CCDC88A: variants seen among roughly 807,000 people sequenced by gnomAD.
CCDC88A encodes the protein coiled-coil and HOOK domain protein 88A, also known as girdin.
Under a neutral mutation model 234.3 loss-of-function variants are expected in CCDC88A, and 54 were observed. That is an observed-to-expected ratio of 0.23 (90% CI 0.19 to 0.29). The LOEUF (loss-of-function observed/expected upper bound fraction) is 0.29, where lower values mean the gene tolerates loss of function less well. Ranked by LOEUF, CCDC88A falls within the 10% of genes least tolerant of loss-of-function variation. The pLI, the probability that CCDC88A is intolerant of heterozygous loss-of-function variation, is 1.00. For missense variants in CCDC88A, 1,832 were observed against 2,123.4 expected, an observed-to-expected ratio of 0.86 and a Z score of 2.70; for synonymous variants, 753 against 737.8, an observed-to-expected ratio of 1.02 and a Z score of -0.33.
chr2:55,373,503 T>A (rs762345017), intron 4 of CCDC88A, among the ~76,000 whole-genome samples: 9 of 152,188 alleles, frequency 5.9e-5, no homozygotes, highest in Non-Finnish European at 1.0e-4. Flanking sequence ...GCTCCAAATT[T>A]TATATGCCAG....
At chr2:55,365,456 A>G (rs553556527) in intron 5 of CCDC88A, among the ~76,000 whole-genome samples, 9 of 152,192 alleles carry the variant, frequency 5.9e-5, no homozygotes, top group Non-Finnish European at 8.8e-5. Context: ...GGTAATGACT[A>G]TGACTCACCA....
At chr2:55,296,722 G>A in intron 29 of CCDC88A, 199 bp from the exon 30 acceptor site, 1 of 592,220 alleles carries the variant, frequency 1.7e-6, no homozygotes, top group Non-Finnish European at 2.9e-6. Context: ...TCCTTATTTT[G>A]TCAAACTGAC....
In CCDC88A at chr2:55,339,814, T is replaced by C. The variant is rs1224971026; in HGVS notation, c.1334-166A>G. 3 of 536,662 alleles carry C rather than the reference T, an allele frequency of 5.6e-6. No individual in the cohort carries two copies. The African/African-American group carries it at 6.0e-5, about 11-fold the overall frequency. The allele number at this position is 536,662 out of a possible 1,614,324, so 33.2% of individuals were successfully genotyped here. On this transcript the variant is annotated intron_variant, in intron 12 of 32. Coordinates refer to ENST00000436346, the MANE Select transcript of CCDC88A (RefSeq NM_001365480.1). ...AGATAAACAAGATAAAAGAAGTAAA[T>C]CTTTTTTTTCCTTTTCTTTTTTTCT...
Position 55,388,805 on chromosome 2 carries a change from CA to C in CCDC88A, c.245del (p.Leu82TrpfsTer2). The C allele has an allele frequency of 1.3e-6, 2 of 1,510,020 alleles. No homozygotes were observed. The highest frequency in any genetic ancestry group is 1.4e-5 in the African/African-American group (1 of 71,472). 93.5% of individuals were successfully genotyped at this position (1,510,020 alleles called of 1,614,324 possible). A position where few individuals can be genotyped will look rare whatever the true frequency, so the allele number is the denominator to read the frequency against. On this transcript the variant is annotated frameshift_variant, in exon 3 of 33. Transcript: ENST00000436346. LOFTEE classifies it high-confidence loss of function. Reference protein sequence around the residue: ...ASLRMHNLSILVRQIKFYYQE... With the variant: ...ASLRMHNLSIXVRQIKFYYQE... ...GGTAATAAAATTTTATCTGTCTCACCAAAATGGATAGATTGTGCATTCTAAG... is the reference window on the plus strand; with the variant it reads ...GGTAATAAAATTTTATCTGTCTCACCAAATGGATAGATTGTGCATTCTAAG...
chr2:55,295,573 A>C, intron 31 of CCDC88A, 24 bp downstream of exon 31: 1 of 1,614,088 alleles, frequency 6.2e-7, no homozygotes, highest in Non-Finnish European at 8.5e-7. Flanking sequence ...ATATGAGAGG[A>C]CCACTGGTGT....
intron 29 of CCDC88A, among the ~76,000 whole-genome samples, chr2:55,297,364 T>TTATATATA (rs1680268359): frequency 1.0e-4 from 10 of 100,354 alleles, no homozygotes; most frequent in African/African-American, 4.3e-4. Flanking sequence ...TAAATATATA[T>TTATATATA]AATATATATT....
chr2:55,306,509 G>C (rs539127325), intron 25 of CCDC88A, among the ~76,000 whole-genome samples: 1 of 152,094 alleles, frequency 6.6e-6, no homozygotes, highest in Non-Finnish European at 1.5e-5. Flanking sequence ...ATATAAGTGT[G>C]TATGACTTTT....
intron 5 of CCDC88A, among the ~76,000 whole-genome samples, chr2:55,370,693 C>G (rs1038485420): frequency 2.1e-5 from 3 of 140,176 alleles, no homozygotes; most frequent in African/African-American, 7.8e-5. Context: ...TATAATTAGT[C>G]TTTCTTTATT....
chr2:55,418,383 C>T (rs1035551844), intron 2 of CCDC88A: 3 of 164,646 alleles, frequency 1.8e-5, no homozygotes, highest in Admixed American at 1.8e-4. Context: ...TATTACTTAA[C>T]GAGTTTCAAA....
intron 5 of CCDC88A, among the ~76,000 whole-genome samples, chr2:55,366,280 C>T (rs1003446849): frequency 6.6e-6 from 1 of 152,084 alleles, no homozygotes; most frequent in Non-Finnish European, 1.5e-5. Context: ...AATCCCAACA[C>T]TTTGGGAGGC....
intron 25 of CCDC88A, among the ~76,000 whole-genome samples, chr2:55,304,303 CAACAA>C (rs1276728356): frequency 6.6e-6 from 1 of 152,060 alleles, no homozygotes; most frequent in Non-Finnish European, 1.5e-5. Flanking sequence ...CTCTCAAAAA[CAACAA>C]AACAAAACAA....
intron 3 of CCDC88A, among the ~76,000 whole-genome samples, chr2:55,375,259 T>G (rs527745032): frequency 6.6e-6 from 1 of 151,874 alleles, no homozygotes; most frequent in Admixed American, 6.6e-5. Context: ...TGTCCCCAAA[T>G]TAAAGCATTC....
chr2:55,296,631 T>C, intron 29 of CCDC88A, 108 bp from the exon 30 acceptor site: 1 of 1,047,656 alleles, frequency 9.5e-7, no homozygotes, highest in Non-Finnish European at 1.4e-6. Flanking sequence ...CAGCCAAATT[T>C]ACTTTCAAGC....
intron 7 of CCDC88A, among the ~76,000 whole-genome samples, chr2:55,358,669 A>AT (rs751370123): frequency 2.0e-5 from 3 of 152,044 alleles, no homozygotes; most frequent in East Asian, 1.9e-4. Context: ...ATTCTTATGC[A>AT]TTTTTTTGCT....
At chr2:55,360,740 T>C (rs72924907) in intron 7 of CCDC88A, among the ~76,000 whole-genome samples, 21,371 of 152,204 alleles carry the variant, frequency 0.14, 1,936 homozygotes, top group East Asian at 0.31. Context: ...AACTTTTTTT[T>C]TGAGATGTCC....
intron 4 of CCDC88A, among the ~76,000 whole-genome samples, 172 bp downstream of exon 4, chr2:55,374,631 TCTTACCTATAA>T (rs919226585): frequency 6.6e-6 from 1 of 152,202 alleles, no homozygotes; most frequent in Admixed American, 6.5e-5. Context: ...TTATGTCTGG[TCTTACCTATAA>T]CTTACAAATA....
chr2:55,298,942 G>GT (rs1386791049), intron 29 of CCDC88A, among the ~76,000 whole-genome samples: 1 of 151,068 alleles, frequency 6.6e-6, no homozygotes, highest in Non-Finnish European at 1.5e-5. Context: ...GCTCACACCT[G>GT]TAATCCCAGC....
intron 28 of CCDC88A, chr2:55,300,167 T>C: frequency 2.4e-6 from 1 of 414,436 alleles, no homozygotes; most frequent in Non-Finnish European, 4.5e-6. Context: ...AAATGAGTTC[T>C]AGATGGATAT....
intron 2 of CCDC88A, among the ~76,000 whole-genome samples, chr2:55,411,418 G>A (rs938499285): frequency 1.3e-5 from 2 of 152,050 alleles, no homozygotes; most frequent in Admixed American, 1.3e-4. Flanking sequence ...ATCATATTGA[G>A]AATGAGGCAA....
Sources: gnomAD v4.1 joint callset for allele counts (sites outside exome capture counted in the v4.1 genomes callset) on GRCh38, gnomAD v4.1.1 for gene constraint, MANE v1.5 for transcripts, NCBI Gene and HGNC (gene_info 2026-07-23, HGNC 2026-07-21) for gene names.